Variants in PTPRD observed in about 807,000 individuals in gnomAD.
The protein encoded by PTPRD is protein tyrosine phosphatase receptor type D.
In PTPRD, 34 loss-of-function variants were observed where a neutral mutation model predicts 214.5. The observed-to-expected ratio is 0.16, with a 90% CI of 0.12 to 0.21. The LOEUF is 0.21. PTPRD is among the 10% of genes least tolerant of loss of function. The pLI, the probability that PTPRD is intolerant of heterozygous loss-of-function variation, is 1.00. For missense variants in PTPRD, 2,545 were observed against 2,398.7 expected (o/e 1.06, Z -1.27); for synonymous variants, 1,128 against 845.7 (o/e 1.33, Z -5.79).
intron 7 of PTPRD, among the ~76,000 whole-genome samples, chr9:9,582,103 G>A (rs978932078): frequency 3.9e-5 from 6 of 151,952 alleles, no homozygotes; most frequent in African/African-American, 1.2e-4. Context: ...AAGTTTGAGT[G>A]GGTTTAACAC....
intron 11 of PTPRD, among the ~76,000 whole-genome samples, chr9:8,827,909 A>G (rs1049686331): frequency 6.6e-6 from 1 of 152,148 alleles, no homozygotes; most frequent in African/African-American, 2.4e-5. Context: ...AAATATCTAC[A>G]TTTTTATATT....
chr9:10,347,249 T>C (rs1001845228), intron 2 of PTPRD, among the ~76,000 whole-genome samples: 1 of 152,126 alleles, frequency 6.6e-6, no homozygotes, highest in Admixed American at 6.5e-5. Context: ...TATTTTGTTT[T>C]TCCTCCATGT....
At chr9:9,980,534 G>C (rs549400454) in intron 4 of PTPRD, among the ~76,000 whole-genome samples, 2 of 140,734 alleles carry the variant, frequency 1.4e-5, no homozygotes, top group South Asian at 2.4e-4. Flanking sequence ...CTTGAACCCG[G>C]GGGGGCAAAG....
intron 2 of PTPRD, among the ~76,000 whole-genome samples, chr9:10,346,992 C>G (rs1022895837): frequency 6.6e-6 from 1 of 152,044 alleles, no homozygotes. Context: ...TGTTTAAATA[C>G]TTTTATCTTT....
At chr9:8,822,227 A>C (rs1360295324) in intron 11 of PTPRD, among the ~76,000 whole-genome samples, 1 of 152,328 alleles carries the variant, frequency 6.6e-6, no homozygotes, top group Middle Eastern at 3.4e-3. Flanking sequence ...CCAGTGATTT[A>C]GTATATCTGG....
intron 2 of PTPRD, among the ~76,000 whole-genome samples, chr9:10,400,886 C>T (rs1245145107): frequency 6.6e-6 from 1 of 151,454 alleles, no homozygotes; most frequent in Non-Finnish European, 1.5e-5. Context: ...GTATTCAATG[C>T]TATTTAACTA....
intron 7 of PTPRD, among the ~76,000 whole-genome samples, chr9:9,645,491 C>A (rs2096128039): frequency 7.0e-6 from 1 of 142,908 alleles, no homozygotes; most frequent in African/African-American, 2.5e-5. Flanking sequence ...TTTCTATTTG[C>A]TTCTATTTGA....
intron 5 of PTPRD, among the ~76,000 whole-genome samples, chr9:9,924,993 A>G (rs2083770580): frequency 6.6e-6 from 1 of 152,110 alleles, no homozygotes; most frequent in Admixed American, 6.6e-5. Flanking sequence ...TGTTTACTAT[A>G]ATTTCTAAAT....
At chr9:9,138,806 C>A (rs1388402524) in intron 10 of PTPRD, among the ~76,000 whole-genome samples, 3 of 151,872 alleles carry the variant, frequency 2.0e-5, no homozygotes, top group African/African-American at 4.8e-5. Flanking sequence ...TTTTTGATAT[C>A]TATTTATTTA....
intron 9 of PTPRD, among the ~76,000 whole-genome samples, chr9:9,248,712 A>C (rs1488462973): frequency 1.3e-5 from 2 of 152,112 alleles, no homozygotes; most frequent in Non-Finnish European, 2.9e-5. Flanking sequence ...TAGCATGTAC[A>C]CTGAGACTGT....
intron 11 of PTPRD, among the ~76,000 whole-genome samples, chr9:8,845,493 A>G (rs1433520869): frequency 6.6e-6 from 1 of 152,260 alleles, no homozygotes; most frequent in East Asian, 1.9e-4. Flanking sequence ...TAGGAAATAC[A>G]AGCCATCAAA....
intron 14 of PTPRD, among the ~76,000 whole-genome samples, chr9:8,617,103 T>A (rs964844091): frequency 5.3e-5 from 8 of 152,148 alleles, no homozygotes; most frequent in African/African-American, 1.9e-4. Flanking sequence ...CTATAAGAGA[T>A]AAAAATATAT....
chr9:10,438,013 A>ATATATATATATATATATATAT (rs1566033452), intron 2 of PTPRD, among the ~76,000 whole-genome samples: 1 of 120,112 alleles, frequency 8.3e-6, no homozygotes, highest in African/African-American at 6.0e-5. Flanking sequence ...GTCTACATAT[A>ATATATATATATATATATATAT]TATATATATA....
At chr9:10,029,569 G>C (rs972733323) in intron 4 of PTPRD, among the ~76,000 whole-genome samples, 1 of 152,212 alleles carries the variant, frequency 6.6e-6, no homozygotes, top group African/African-American at 2.4e-5. Flanking sequence ...TGCCCTGCTG[G>C]ATTTTGGATT....
chr9:8,337,468 G>C (rs972853286), intron 43 of PTPRD, among the ~76,000 whole-genome samples: 4 of 152,038 alleles, frequency 2.6e-5, no homozygotes, highest in Non-Finnish European at 4.4e-5. Context: ...GAGTCTAGGG[G>C]AACGATAGCA....
At chr9:8,893,520 G>T (rs150525057) in intron 11 of PTPRD, among the ~76,000 whole-genome samples, 1 of 152,148 alleles carries the variant, frequency 6.6e-6, no homozygotes, top group Non-Finnish European at 1.5e-5. Context: ...CCAACAATCC[G>T]CAAGCAAACA....
At chr9:9,703,226 T>C (rs2097536198) in intron 7 of PTPRD, among the ~76,000 whole-genome samples, 1 of 152,174 alleles carries the variant, frequency 6.6e-6, no homozygotes, top group Non-Finnish European at 1.5e-5. Flanking sequence ...CCCTTTCACC[T>C]TCTGCCATGA....
chr9:9,242,575 C>T (rs1262563180), intron 9 of PTPRD, among the ~76,000 whole-genome samples: 1 of 152,104 alleles, frequency 6.6e-6, no homozygotes. Flanking sequence ...TCTCTTCTCG[C>T]TTCATTTCAT....
chr9:8,393,271 C>T (rs1417905103), intron 36 of PTPRD, among the ~76,000 whole-genome samples: 1 of 152,118 alleles, frequency 6.6e-6, no homozygotes, highest in Non-Finnish European at 1.5e-5. Flanking sequence ...TGAGAATTAA[C>T]TTAATTCCTT....
Sources: allele counts gnomAD v4.1 joint callset (sites outside exome capture counted in the v4.1 genomes callset), GRCh38; gene constraint gnomAD v4.1.1; transcripts MANE v1.5; gene names NCBI Gene and HGNC (gene_info 2026-07-23, HGNC 2026-07-21).